Variants in FOXP1 observed in about 807,000 individuals in gnomAD.
FOXP1 encodes forkhead box P1.
FOXP1 carries 15 observed loss-of-function variants against 98.2 expected under a neutral mutation model. The observed-to-expected ratio is 0.15, with a 90% confidence interval of 0.10 to 0.24. FOXP1 has a LOEUF of 0.24. Ranked by LOEUF, FOXP1 falls within the 10% of genes least tolerant of loss-of-function variation. The pLI is 1.00. For synonymous variants in FOXP1, 371 were observed against 314.5 expected, an observed-to-expected ratio of 1.18 and a Z score of -1.90; for missense variants, 633 against 848.5, an observed-to-expected ratio of 0.75 and a Z score of 3.15.
intron 17 of FOXP1, among the ~76,000 whole-genome samples, chr3:70,973,479 AT>A (rs2036788449): frequency 6.6e-6 from 1 of 152,332 alleles, no homozygotes; most frequent in African/African-American, 2.4e-5. Context: ...GACCCTTAAC[AT>A]CGATAATTTA....
chr3:71,024,760 T>A (rs1439506257), intron 11 of FOXP1, among the ~76,000 whole-genome samples: 1 of 152,242 alleles, frequency 6.6e-6, no homozygotes, highest in Admixed American at 6.5e-5. Context: ...TGGAGATTAT[T>A]GTTATTATCT....
rs4553946 is a variant in FOXP1 at position 71,063,930 on chromosome 3, G to A, written c.283-10157C>T. 1.9e-3 allele frequency among the ~76,000 whole-genome samples: 283 copies of A among 152,242 alleles called. 5 individuals carry two copies. The highest frequency in any genetic ancestry group is 0.014 in the Admixed American group (212 of 15,292). On this transcript the variant is annotated intron_variant, in intron 7 of 20. Coordinates refer to ENST00000649528, the MANE Select transcript of FOXP1 (RefSeq NM_001349338.3). ...TAAAGGTCCTCTCCTTCCCAACACC[G>A]TACTTGGGGAGGAGAGGGGTAAAAA...
Position 70,983,384 on chromosome 3 carries a change from T to A in FOXP1, c.1146+4610A>T, listed in dbSNP as rs943495945. ...GACTGCTTAATATTATTTCTCCAAC[T>A]CTAAAGCAAGGACCCAGGCAGCCCA... On this transcript the variant is annotated intron_variant, in intron 14 of 20. Transcript: ENST00000649528. 2.0e-5 allele frequency among the ~76,000 whole-genome samples: 3 copies of A among 152,276 alleles called. 1 individual carries two copies. Among genetic ancestry groups the A allele is most frequent in the Admixed American group, 2.0e-4 (3 of 15,302 alleles).
intron 7 of FOXP1, among the ~76,000 whole-genome samples, chr3:71,107,154 C>A (rs1252707188): frequency 2.0e-5 from 3 of 152,154 alleles, no homozygotes; most frequent in Non-Finnish European, 4.4e-5. Context: ...GGACACAGGG[C>A]CACCTATGCA....
intron 4 of FOXP1, chr3:71,333,200 G>A (rs1206386383): frequency 6.6e-6 from 1 of 152,180 alleles, no homozygotes. Context: ...CCTCCCCAAA[G>A]TAGAGAAGAA....
At chr3:71,246,792 G>A (rs1407535285) in intron 5 of FOXP1, among the ~76,000 whole-genome samples, 2 of 152,082 alleles carry the variant, frequency 1.3e-5, no homozygotes, top group Non-Finnish European at 2.9e-5. Flanking sequence ...ATAATAACTC[G>A]TCTCCGTCAC....
chr3:71,576,333 T>A (rs556631734), intron 2 of FOXP1, among the ~76,000 whole-genome samples: 11 of 149,692 alleles, frequency 7.3e-5, no homozygotes, highest in African/African-American at 2.4e-4. Context: ...TATTCCTTTT[T>A]AAAAAAAAAA....
chr3:71,030,376 G>T (rs922320753), intron 11 of FOXP1, among the ~76,000 whole-genome samples: 1 of 152,120 alleles, frequency 6.6e-6, no homozygotes, highest in Non-Finnish European at 1.5e-5. Flanking sequence ...TCTTATTCAC[G>T]TTTGTTCCAG....
At chr3:71,314,838 G>A (rs907486070) in intron 4 of FOXP1, among the ~76,000 whole-genome samples, 2 of 151,860 alleles carry the variant, frequency 1.3e-5, no homozygotes, top group African/African-American at 4.8e-5. Context: ...GGAGAATCCA[G>A]CCTGGAACCA....
chr3:71,536,801 G>A (rs976812865), intron 2 of FOXP1, among the ~76,000 whole-genome samples: 1 of 152,170 alleles, frequency 6.6e-6, no homozygotes, highest in African/African-American at 2.4e-5. Flanking sequence ...AATCCAACAT[G>A]ATGATCGTTT....
At chr3:71,148,458 A>C (rs2060423261) in intron 6 of FOXP1, among the ~76,000 whole-genome samples, 1 of 152,234 alleles carries the variant, frequency 6.6e-6, no homozygotes, top group African/African-American at 2.4e-5. Flanking sequence ...TCTCACTCTT[A>C]AAGAAAACTT....
intron 13 of FOXP1, among the ~76,000 whole-genome samples, chr3:70,997,510 C>G (rs2041552026): frequency 6.6e-6 from 1 of 152,176 alleles, no homozygotes; most frequent in Admixed American, 6.5e-5. Context: ...TTAACTGTGT[C>G]TCAGGGCAAG....
intron 6 of FOXP1, among the ~76,000 whole-genome samples, chr3:71,129,646 G>A (rs544110374): frequency 6.6e-5 from 10 of 152,268 alleles, no homozygotes; most frequent in African/African-American, 1.7e-4. Flanking sequence ...GTCAGGGAAG[G>A]GGGGTGTGGA....
At position 71,140,029 on chromosome 3, in the gene FOXP1, C is replaced by T. The variant is rs56955571; in HGVS notation, c.181-27392G>A. Among the ~76,000 whole-genome samples, 998 of 152,088 alleles carry T rather than the reference C, an allele frequency of 6.6e-3. 13 individuals are homozygous for T. Among genetic ancestry groups the T allele is most frequent in the African/African-American group, 0.022 (901 of 41,500 alleles). ...TCTAAAGATTTTAAACAAAGTAGTC[C>T]TCACTTAATATATGATAATAAAAAT... is the stretch of plus-strand genomic sequence containing the variant. On this transcript the variant is annotated intron_variant, in intron 6 of 20. Coordinates refer to ENST00000649528, the MANE Select transcript of FOXP1 (RefSeq NM_001349338.3).
At chr3:71,302,992 T>C (rs1297088024) in intron 4 of FOXP1, 2 of 152,220 alleles carry the variant, frequency 1.3e-5, no homozygotes, top group South Asian at 4.1e-4. Flanking sequence ...GGATATATTT[T>C]GCCCTTAATT....
chr3:71,334,931 C>T (rs1239950907), intron 4 of FOXP1: 2 of 152,040 alleles, frequency 1.3e-5, no homozygotes, highest in South Asian at 2.1e-4. Context: ...ATATAAATGG[C>T]TAAATGTCCT....
rs563498199 is a variant in FOXP1, at chr3:71,078,412, G to A, written c.283-24639C>T. ...ACAGCAATCAATGATTAGACTCTTCGAAAATTAAAAAACAAAACAAAGCTG... is the reference window on the plus strand; with the variant it reads ...ACAGCAATCAATGATTAGACTCTTCAAAAATTAAAAAACAAAACAAAGCTG... On this transcript the variant is annotated intron_variant, in intron 7 of 20. Transcript: ENST00000649528. Among the ~76,000 whole-genome samples, 63 of 152,104 alleles carry A rather than the reference G, an allele frequency of 4.1e-4. 1 individual carries two copies. In the South Asian group the frequency reaches 0.012, roughly 30 times the overall value.
intron 2 of FOXP1, among the ~76,000 whole-genome samples, chr3:71,554,910 C>G (rs1467042997): frequency 2.0e-5 from 3 of 152,036 alleles, no homozygotes; most frequent in African/African-American, 7.3e-5. Context: ...TTCATTATGT[C>G]CCCAAGAGTA....
At chr3:71,325,596 G>A (rs958588686) in intron 4 of FOXP1, among the ~76,000 whole-genome samples, 1 of 151,984 alleles carries the variant, frequency 6.6e-6, no homozygotes, top group Non-Finnish European at 1.5e-5. Context: ...ATACCAGCAT[G>A]GCCCTTGAAG....
Sources: allele counts gnomAD v4.1 joint callset (sites outside exome capture counted in the v4.1 genomes callset), GRCh38; gene constraint gnomAD v4.1.1; transcripts MANE v1.5; gene names NCBI Gene and HGNC (gene_info 2026-07-23, HGNC 2026-07-21).